GNG2: variants seen among roughly 807,000 people sequenced by gnomAD.
The protein encoded by GNG2 is G protein subunit gamma 2, also known as guanine nucleotide-binding protein G(I)/G(S)/G(O) subunit gamma-2.
In GNG2, 5 loss-of-function variants were observed where a neutral mutation model predicts 5.5. The ratio of observed to expected loss-of-function variants is 0.91; its 90% CI spans 0.48 to 1.92. The LOEUF is 1.92. Among genes scored for constraint, GNG2 ranks in the 30% most tolerant of loss-of-function variants. The probability of loss-of-function intolerance (pLI) is 0.01; values close to 1 mark genes in which losing one functional copy is unlikely to be tolerated. For synonymous variants in GNG2, 28 were observed against 32.0 expected (o/e 0.88, Z 0.42); for missense variants, 55 against 88.4 (o/e 0.62, Z 1.52).
chr14:51,881,187 C>G (rs1334787581), intron 2 of GNG2, among the ~76,000 whole-genome samples: 1 of 152,168 alleles, frequency 6.6e-6, no homozygotes, highest in Non-Finnish European at 1.5e-5. Context: ...GTTATAAAAT[C>G]CAAGTTTGCC....
intron 2 of GNG2, among the ~76,000 whole-genome samples, chr14:51,896,094 C>T (rs1885175532): frequency 6.6e-6 from 1 of 152,190 alleles, no homozygotes; most frequent in South Asian, 2.1e-4. Flanking sequence ...AATGACCTTA[C>T]ACTTTGGATT....
chr14:51,839,552 G>C (rs183068965), intron 2 of GNG2, among the ~76,000 whole-genome samples: 15 of 152,064 alleles, frequency 9.9e-5, no homozygotes, highest in Admixed American at 6.6e-4. Context: ...TAGTGATTTT[G>C]GGTTCCCAAG....
chr14:51,829,300 C>T (rs1010073540), intron 2 of GNG2, among the ~76,000 whole-genome samples: 1 of 152,124 alleles, frequency 6.6e-6, no homozygotes, highest in Non-Finnish European at 1.5e-5. Context: ...TCCCCAACTC[C>T]CAAAAGTTCT....
intron 2 of GNG2, among the ~76,000 whole-genome samples, chr14:51,941,602 C>A (rs539144961): frequency 9.0e-4 from 137 of 152,274 alleles, no homozygotes; most frequent in Admixed American, 5.2e-4. Flanking sequence ...GGATGGAATC[C>A]TCCACAATTA....
chr14:51,840,207 C>T (rs1881445373), intron 2 of GNG2, among the ~76,000 whole-genome samples: 1 of 152,176 alleles, frequency 6.6e-6, no homozygotes, highest in African/African-American at 2.4e-5. Flanking sequence ...GCCTGTACCT[C>T]GGTCTGGGAG....
chr14:51,857,695 T>G (rs137925238), upstream of GNG2, among the ~76,000 whole-genome samples: 541 of 152,148 alleles, frequency 3.6e-3, 2 homozygotes, highest in African/African-American at 0.012. Context: ...GGCAAGGAGA[T>G]AGTTTGGTGG....
intron 2 of GNG2, chr14:51,914,098 C>G (rs1886458838): frequency 1.6e-6 from 1 of 616,598 alleles, no homozygotes; most frequent in African/African-American, 1.9e-5. Context: ...GCCTTTTTAT[C>G]TACTTTTGCA....
At chr14:51,897,794 G>C (rs1305860706) in intron 2 of GNG2, among the ~76,000 whole-genome samples, 1 of 152,202 alleles carries the variant, frequency 6.6e-6, no homozygotes, top group Non-Finnish European at 1.5e-5. Context: ...GTTGGAGCCA[G>C]GGTCCCATAG....
chr14:51,880,275 G>A (rs770765949), intron 2 of GNG2, among the ~76,000 whole-genome samples: 1 of 152,190 alleles, frequency 6.6e-6, no homozygotes, highest in Admixed American at 6.5e-5. Flanking sequence ...CCAAAGAAAT[G>A]TGAGGTTTTT....
intron 2 of GNG2, among the ~76,000 whole-genome samples, chr14:51,839,333 G>C (rs1276217090): frequency 6.6e-6 from 1 of 152,228 alleles, no homozygotes; most frequent in Non-Finnish European, 1.5e-5. Context: ...GTAGCTAAGA[G>C]ACAAATGGTT....
chr14:51,875,703 A>G (rs1306617496), intron 1 of GNG2, among the ~76,000 whole-genome samples: 2 of 150,372 alleles, frequency 1.3e-5, no homozygotes, highest in South Asian at 2.1e-4. Context: ...CATAGAAAAT[A>G]TATATTAGAA....
At chr14:51,946,004 G>A (rs966855845) in intron 2 of GNG2, among the ~76,000 whole-genome samples, 8 of 152,176 alleles carry the variant, frequency 5.3e-5, no homozygotes, top group Admixed American at 1.3e-4. Context: ...TACATCACTT[G>A]GCGTTTCAGG....
chr14:51,843,529 T>A (rs1359648664), intron 2 of GNG2, among the ~76,000 whole-genome samples: 1 of 151,802 alleles, frequency 6.6e-6, no homozygotes, highest in Non-Finnish European at 1.5e-5. Context: ...GGCATATGTA[T>A]ACCTATGTAA....
At chr14:51,858,286 A>G (rs1882255358), upstream of GNG2, among the ~76,000 whole-genome samples, 3 of 152,348 alleles carry the variant, frequency 2.0e-5, no homozygotes, top group South Asian at 4.1e-4. Flanking sequence ...GTTGAAAAGC[A>G]ATGAGGTATT....
At chr14:51,963,862 G>A (rs1034130122) in intron 3 of GNG2, among the ~76,000 whole-genome samples, 3 of 152,104 alleles carry the variant, frequency 2.0e-5, no homozygotes, top group African/African-American at 7.2e-5. Context: ...ACAAAATAAG[G>A]ATAAAATAAA....
chr14:51,877,733 G>T (rs1229373184), intron 2 of GNG2, 76 bp downstream of exon 2: 2 of 422,352 alleles, frequency 4.7e-6, no homozygotes, highest in African/African-American at 2.1e-5. Flanking sequence ...ATGTTAAGTG[G>T]TCTATAGATG....
At chr14:51,963,599 C>G (rs1889736763) in intron 3 of GNG2, among the ~76,000 whole-genome samples, 1 of 152,174 alleles carries the variant, frequency 6.6e-6, no homozygotes. Flanking sequence ...GTCATAGAAG[C>G]ATTTCATAAA....
Position 51,826,523 on chromosome 14 carries a change from C to A in GNG2, c.-77+293C>A, listed in dbSNP as rs142163978. ...CAGGGGTGGTCTCCAGAACCAATAC[C>A]CCACCTCGTGAGTATTGAGAACAAC... On this transcript the variant is annotated intron_variant, in intron 1 of 3. Transcript: ENST00000553432. Among the ~76,000 whole-genome samples, 60 of 152,036 alleles carry A rather than the reference C, an allele frequency of 3.9e-4. 1 individual carries two copies. In the East Asian group the frequency reaches 5.0e-3, roughly 13 times the overall value.
chr14:51,863,409 C>T (rs1315243145), intron 1 of GNG2, among the ~76,000 whole-genome samples: 1 of 152,168 alleles, frequency 6.6e-6, no homozygotes, highest in African/African-American at 2.4e-5. Flanking sequence ...GTGATTTCTA[C>T]ATAGAAGGTA....
Sources: allele counts gnomAD v4.1 joint callset (sites outside exome capture counted in the v4.1 genomes callset), GRCh38; gene constraint gnomAD v4.1.1; transcripts MANE v1.5; gene names NCBI Gene and HGNC (gene_info 2026-07-23, HGNC 2026-07-21).